The following DNAH14 variants were observed in gnomAD, a reference collection of about 807,000 sequenced individuals.
The protein encoded by DNAH14 is dynein axonemal heavy chain 14, also known as axonemal beta dynein heavy chain 14.
Under a neutral mutation model 520.9 loss-of-function variants are expected in DNAH14, and 478 were observed. The observed-to-expected ratio is 0.92, with a 90% CI of 0.85 to 0.99. The LOEUF (loss-of-function observed/expected upper bound fraction) is 0.99. Among genes scored for constraint, DNAH14 ranks in the 50% least tolerant of loss-of-function variants. The pLI is 0.00. For synonymous variants in DNAH14, 1,581 were observed against 1,757.2 expected, an observed-to-expected ratio of 0.90 and a Z score of 2.51; for missense variants, 4,831 against 5,234.5, an observed-to-expected ratio of 0.92 and a Z score of 2.38.
At chr1:225,168,233 G>A (rs769199986) in intron 36 of DNAH14, among the ~76,000 whole-genome samples, 26 of 152,314 alleles carry the variant, frequency 1.7e-4, no homozygotes, top group African/African-American at 5.1e-4. Context: ...AGCTCCCAGC[G>A]TGAGCGACGC....
chr1:225,291,039 C>T (rs925775343), intron 55 of DNAH14, among the ~76,000 whole-genome samples: 8 of 151,978 alleles, frequency 5.3e-5, no homozygotes, highest in Admixed American at 1.3e-4. Flanking sequence ...TTTCCCCTAC[C>T]TTTCTCAGCC....
chr1:225,003,475 T>TA (rs2063919331), intron 9 of DNAH14, among the ~76,000 whole-genome samples: 1 of 152,096 alleles, frequency 6.6e-6, no homozygotes, highest in Non-Finnish European at 1.5e-5. Context: ...GTAAAATTGA[T>TA]AGAGTTATCT....
chr1:224,961,084 G>A (rs973239199), intron 4 of DNAH14: 6 of 152,078 alleles, frequency 3.9e-5, no homozygotes, highest in African/African-American at 1.4e-4. Flanking sequence ...TTTTGCTGGT[G>A]GACTTGTTCT....
At chr1:225,295,000 A>G (rs1161677325) in intron 55 of DNAH14, among the ~76,000 whole-genome samples, 1 of 152,180 alleles carries the variant, frequency 6.6e-6, no homozygotes, top group Non-Finnish European at 1.5e-5. Flanking sequence ...TTGATAGACT[A>G]TATGTGAATT....
In DNAH14 at chr1:225,393,815, T is replaced by TG. The variant is rs1491391449; in HGVS notation, c.13491+1364_13491+1365insG. On this transcript the variant is annotated intron_variant, in intron 84 of 85. Coordinates refer to ENST00000682510, the MANE Select transcript of DNAH14 (RefSeq NM_001367479.1). ...ACGTGCAGTGATATATCTTTTTTTG[T>TG]TTTTTTTTTGTTTTTTTTTTTGAGA... 3.1e-3 allele frequency among the ~76,000 whole-genome samples: 416 copies of TG among 136,044 alleles called. 2 individuals are homozygous for TG. Among genetic ancestry groups the TG allele is most frequent in the African/African-American group, 0.013 (400 of 31,390 alleles). The allele number at this position is 136,044 out of a possible 152,430, so 89.3% of individuals were successfully genotyped here.
In DNAH14 at chr1:225,082,171, G is replaced by GGTGTGTGT. The variant is rs56658194; in HGVS notation, c.3137-358_3137-351dup. Among the ~76,000 whole-genome samples the GGTGTGTGT allele has an allele frequency of 6.4e-3, 933 of 145,318 alleles. 11 individuals carry two copies. The highest frequency in any genetic ancestry group is 0.017 in the African/African-American group (691 of 39,718). ...CTGTGACAGTCTTCTGAATGTTTGT[G>GGTGTGTGT]GTGTGTGTGTGTGTGTGTGTGTGTG... is the stretch of plus-strand genomic sequence containing the variant. On this transcript the variant is annotated intron_variant, in intron 19 of 85. Coordinates refer to ENST00000682510, the MANE Select transcript of DNAH14 (RefSeq NM_001367479.1).
At chr1:224,987,595 T>G (rs1383522259) in intron 8 of DNAH14, among the ~76,000 whole-genome samples, 1 of 152,116 alleles carries the variant, frequency 6.6e-6, no homozygotes, top group Non-Finnish European at 1.5e-5. Flanking sequence ...CAAACAAGCT[T>G]GTGAGACAGA....
chr1:225,300,583 C>T (rs2094119762), intron 55 of DNAH14, among the ~76,000 whole-genome samples: 1 of 151,998 alleles, frequency 6.6e-6, no homozygotes, highest in Non-Finnish European at 1.5e-5. Context: ...CACCTTTCAT[C>T]CTAGCTATTT....
intron 23 of DNAH14, among the ~76,000 whole-genome samples, chr1:225,104,668 T>G (rs941572887): frequency 7.9e-5 from 12 of 152,198 alleles, no homozygotes; most frequent in Non-Finnish European, 1.2e-4. Flanking sequence ...CTAGTTTATT[T>G]GCATAGAGGT....
At chr1:225,118,888 A>G (rs1274450157) in intron 25 of DNAH14, among the ~76,000 whole-genome samples, 2 of 126,262 alleles carry the variant, frequency 1.6e-5, no homozygotes, top group Non-Finnish European at 3.3e-5. Context: ...CTCTGTCTCA[A>G]AAAAAAAAAA....
chr1:225,072,077 A>G (rs556839434), intron 17 of DNAH14, among the ~76,000 whole-genome samples: 1 of 152,228 alleles, frequency 6.6e-6, no homozygotes, highest in African/African-American at 2.4e-5. Flanking sequence ...CTGAATTTTA[A>G]TGTTGGCTTC....
chr1:225,390,896 G>A (rs776474448), intron 83 of DNAH14, among the ~76,000 whole-genome samples: 1 of 151,974 alleles, frequency 6.6e-6, no homozygotes, highest in Non-Finnish European at 1.5e-5. Context: ...AAAGTTGAGA[G>A]TCTCATCCAA....
chr1:225,064,062 G>T (rs1284202018), intron 17 of DNAH14, among the ~76,000 whole-genome samples: 1 of 151,922 alleles, frequency 6.6e-6, no homozygotes, highest in Non-Finnish European at 1.5e-5. Flanking sequence ...GCATACATAA[G>T]GAAGAACTCT....
At chr1:225,371,121 T>C (rs1467248743) in intron 77 of DNAH14, among the ~76,000 whole-genome samples, 1 of 152,194 alleles carries the variant, frequency 6.6e-6, no homozygotes, top group Non-Finnish European at 1.5e-5. Flanking sequence ...TAGTGTATTT[T>C]ATGAAACCAG....
At chr1:225,332,752 T>G (rs1471994449) in intron 65 of DNAH14, among the ~76,000 whole-genome samples, 5 of 149,184 alleles carry the variant, frequency 3.4e-5, no homozygotes, top group Admixed American at 2.7e-4. Context: ...CCCAGCTCTT[T>G]GGGAGGCCAA....
At chr1:225,370,777 T>C (rs562365608) in intron 77 of DNAH14, among the ~76,000 whole-genome samples, 8 of 152,092 alleles carry the variant, frequency 5.3e-5, no homozygotes, top group Middle Eastern at 3.4e-3. Flanking sequence ...TAATGAAATA[T>C]ACAAAAAACC....
intron 10 of DNAH14, among the ~76,000 whole-genome samples, chr1:225,019,972 T>A (rs2147996535): frequency 6.7e-6 from 1 of 150,278 alleles, no homozygotes. Context: ...AGAAAACAAA[T>A]CCCAAAGCCA....
intron 66 of DNAH14, among the ~76,000 whole-genome samples, chr1:225,333,970 G>A (rs931871055): frequency 3.9e-5 from 6 of 152,070 alleles, no homozygotes; most frequent in African/African-American, 7.2e-5. Flanking sequence ...TTAATCCTCC[G>A]AGAATAATTT....
At chr1:225,372,177 T>C (rs1234086945) in intron 77 of DNAH14, among the ~76,000 whole-genome samples, 4 of 152,148 alleles carry the variant, frequency 2.6e-5, no homozygotes, top group Admixed American at 2.6e-4. Flanking sequence ...CTTCCAAAAT[T>C]AATAATCAGA....
Sources: allele counts gnomAD v4.1 joint callset (sites outside exome capture counted in the v4.1 genomes callset), GRCh38; gene constraint gnomAD v4.1.1; transcripts MANE v1.5; gene names NCBI Gene and HGNC (gene_info 2026-07-23, HGNC 2026-07-21).